The following KIAA1217 variants were observed in gnomAD, a reference collection of about 807,000 sequenced individuals.
KIAA1217 encodes the protein KIAA1217.
KIAA1217 carries 88 observed loss-of-function variants against 163.9 expected under a neutral mutation model. The observed-to-expected ratio is 0.54, with a 90% CI of 0.45 to 0.64. The LOEUF (loss-of-function observed/expected upper bound fraction) is 0.64. Ranked by LOEUF, KIAA1217 falls within the 30% of genes least tolerant of loss-of-function variation. The pLI, the probability that KIAA1217 is intolerant of heterozygous loss-of-function variation, is 0.00. For missense variants in KIAA1217, 2,372 were observed against 2,475.0 expected (o/e 0.96, Z 0.88); for synonymous variants, 903 against 923.1 (o/e 0.98, Z 0.39).
At chr10:24,125,098 C>A (rs1249654336) in intron 2 of KIAA1217, among the ~76,000 whole-genome samples, 1 of 151,974 alleles carries the variant, frequency 6.6e-6, no homozygotes, top group Non-Finnish European at 1.5e-5. Flanking sequence ...ACGGTAAAAC[C>A]CCGTCTCCAC....
intron 5 of KIAA1217, among the ~76,000 whole-genome samples, chr10:24,467,549 G>A (rs1592174306): frequency 6.6e-6 from 1 of 152,156 alleles, no homozygotes; most frequent in Admixed American, 6.6e-5. Context: ...ATTCAGATAA[G>A]GGGTTAGAAG....
chr10:24,172,242 A>G (rs150760917), intron 2 of KIAA1217, among the ~76,000 whole-genome samples: 107 of 152,270 alleles, frequency 7.0e-4, no homozygotes, highest in Non-Finnish European at 1.2e-3. Flanking sequence ...GGAAAAGGAG[A>G]AGAGATTTAC....
At chr10:24,514,783 A>G (rs1011517386) in intron 10 of KIAA1217, among the ~76,000 whole-genome samples, 1 of 152,166 alleles carries the variant, frequency 6.6e-6, no homozygotes. Flanking sequence ...TGAGGTCAGG[A>G]GTTCGAGACC....
chr10:23,926,398 T>C (rs1251147026), intron 1 of KIAA1217, among the ~76,000 whole-genome samples: 1 of 152,160 alleles, frequency 6.6e-6, no homozygotes, highest in Non-Finnish European at 1.5e-5. Context: ...GAGAATGCTG[T>C]CAATATTTCC....
At chr10:24,223,082 T>C (rs2004753) in intron 2 of KIAA1217, among the ~76,000 whole-genome samples, 92,278 of 151,920 alleles carry the variant, frequency 0.61, 28,579 homozygotes, top group African/African-American at 0.73. Flanking sequence ...TTTTGGCTGG[T>C]GTCTTTACTG....
intron 1 of KIAA1217, among the ~76,000 whole-genome samples, chr10:23,722,451 T>C (rs895975207): frequency 6.6e-6 from 1 of 152,214 alleles, no homozygotes; most frequent in African/African-American, 2.4e-5. Flanking sequence ...CCATTAAGTC[T>C]ATCATCAGCT....
chr10:24,302,795 T>G (rs895759709), intron 2 of KIAA1217, among the ~76,000 whole-genome samples: 6 of 151,700 alleles, frequency 4.0e-5, no homozygotes. Flanking sequence ...AGGGAGGAGG[T>G]GGCCATGTGG....
intron 2 of KIAA1217, chr10:24,158,516 G>A (rs1280776653): frequency 3.9e-6 from 2 of 518,138 alleles, no homozygotes; most frequent in African/African-American, 1.9e-5. Context: ...AAAGATGGGA[G>A]GATTTTTAGA....
intron 1 of KIAA1217, among the ~76,000 whole-genome samples, chr10:23,699,120 C>T (rs996150371): frequency 6.6e-6 from 1 of 152,214 alleles, no homozygotes; most frequent in Non-Finnish European, 1.5e-5. Flanking sequence ...CCATGCCAAC[C>T]CCCTACTTTC....
At chr10:24,133,408 T>G (rs993925697) in intron 2 of KIAA1217, among the ~76,000 whole-genome samples, 2 of 151,686 alleles carry the variant, frequency 1.3e-5, no homozygotes, top group African/African-American at 4.8e-5. Flanking sequence ...CCTGTCTCTA[T>G]TAAAAATACA....
chr10:24,115,496 T>C (rs1055095632), intron 2 of KIAA1217, among the ~76,000 whole-genome samples: 1 of 152,182 alleles, frequency 6.6e-6, no homozygotes, highest in South Asian at 2.1e-4. Flanking sequence ...CCAAAAACTG[T>C]CCAGTAATAC....
chr10:24,345,258 G>T (rs1167173998), intron 2 of KIAA1217, among the ~76,000 whole-genome samples: 2 of 152,178 alleles, frequency 1.3e-5, no homozygotes, highest in Non-Finnish European at 2.9e-5. Flanking sequence ...TGGCACTTAG[G>T]GACAGCTGTA....
intron 2 of KIAA1217, among the ~76,000 whole-genome samples, chr10:24,301,462 C>T (rs2041323170): frequency 6.6e-6 from 1 of 152,138 alleles, no homozygotes. Context: ...AATTTAATTG[C>T]AGCCTTCATG....
At chr10:24,046,964 T>A (rs551719754) in intron 2 of KIAA1217, among the ~76,000 whole-genome samples, 2 of 152,336 alleles carry the variant, frequency 1.3e-5, no homozygotes, top group Admixed American at 1.3e-4. Flanking sequence ...CTGAAAAATC[T>A]TTCTGGTGGC....
chr10:24,394,544 A>G (rs2055444076), intron 3 of KIAA1217, among the ~76,000 whole-genome samples: 1 of 152,200 alleles, frequency 6.6e-6, no homozygotes, highest in South Asian at 2.1e-4. Context: ...TTTTAAAAAC[A>G]TATACAATCT....
intron 3 of KIAA1217, among the ~76,000 whole-genome samples, chr10:24,392,873 C>G (rs7087183): frequency 0.35 from 53,030 of 152,010 alleles, 10,471 homozygotes; most frequent in African/African-American, 0.55. Context: ...GCCATGAAAA[C>G]TCTATCTAAA....
At chr10:23,857,556 T>C (rs1839750371) in intron 1 of KIAA1217, among the ~76,000 whole-genome samples, 1 of 152,164 alleles carries the variant, frequency 6.6e-6, no homozygotes, top group Non-Finnish European at 1.5e-5. Context: ...ATCACAATCA[T>C]CTGGAGAATG....
intron 2 of KIAA1217, among the ~76,000 whole-genome samples, chr10:24,237,875 A>G (rs919285639): frequency 2.0e-5 from 3 of 152,150 alleles, no homozygotes; most frequent in African/African-American, 4.8e-5. Context: ...GTTGCCTTCA[A>G]AGGTAACCTC....
chr10:23,739,074 AGGAATTAAGT>A (rs2130805703), intron 1 of KIAA1217, among the ~76,000 whole-genome samples: 1 of 152,362 alleles, frequency 6.6e-6, no homozygotes, highest in South Asian at 2.1e-4. Flanking sequence ...ACCTATAAAA[AGGAATTAAGT>A]CATGTCTTTT....
Sources: gnomAD v4.1 joint callset for allele counts (sites outside exome capture counted in the v4.1 genomes callset) on GRCh38, gnomAD v4.1.1 for gene constraint, MANE v1.5 for transcripts, NCBI Gene and HGNC (gene_info 2026-07-23, HGNC 2026-07-21) for gene names.